ZBTB20: variants seen among roughly 807,000 people sequenced by gnomAD.
The protein encoded by ZBTB20 is zinc finger and BTB domain containing 20, also known as zinc finger and BTB domain-containing protein 20.
A neutral mutation model predicts 56.9 loss-of-function variants in ZBTB20; 9 were observed. That is an observed-to-expected ratio of 0.16 (90% confidence interval 0.10 to 0.28). The LOEUF (loss-of-function observed/expected upper bound fraction) is 0.28. Among genes scored for constraint, ZBTB20 ranks in the 10% least tolerant of loss-of-function variants. ZBTB20 has a pLI of 1.00. For synonymous variants in ZBTB20, 417 were observed against 420.7 expected (o/e 0.99, Z 0.11); for missense variants, 655 against 1,003.0 (o/e 0.65, Z 4.69).
At chr3:114,897,040 T>A (rs1285389877) in intron 4 of ZBTB20, among the ~76,000 whole-genome samples, 1 of 152,102 alleles carries the variant, frequency 6.6e-6, no homozygotes, top group Non-Finnish European at 1.5e-5. Flanking sequence ...GAAATGACAG[T>A]AGCATAGCTA....
intron 2 of ZBTB20, among the ~76,000 whole-genome samples, chr3:115,046,338 GAA>G (rs144698930): frequency 6.6e-6 from 1 of 151,098 alleles, no homozygotes; most frequent in African/African-American, 2.4e-5. Flanking sequence ...AAAGTTGTTA[GAA>G]AAAAAAAGTC....
intron 6 of ZBTB20, among the ~76,000 whole-genome samples, chr3:114,655,703 A>C (rs1271984416): frequency 6.6e-6 from 1 of 152,192 alleles, no homozygotes; most frequent in African/African-American, 2.4e-5. Flanking sequence ...ACACAGAGTT[A>C]ATATTTTACC....
rs141725515 is a variant in ZBTB20, at chr3:114,880,304, T to C, written c.-417+20000A>G. 1.2e-4 allele frequency among the ~76,000 whole-genome samples: 19 copies of C among 152,258 alleles called. No homozygotes were observed. The East Asian group carries it at 3.3e-3, about 26-fold the overall frequency. On this transcript the variant is annotated intron_variant, in intron 4 of 11. Coordinates refer to ENST00000675478, the MANE Select transcript of ZBTB20 (RefSeq NM_001348800.3). ...TTGCTTTGGAGAAAGCTGTTCTCCA[T>C]AGCCTGAGGCTGCCTGCAACATCTC...
intron 4 of ZBTB20, among the ~76,000 whole-genome samples, chr3:114,831,748 T>C (rs1199141198): frequency 1.3e-5 from 2 of 152,004 alleles, no homozygotes; most frequent in African/African-American, 4.8e-5. Context: ...AAAAGGCACT[T>C]GACTGGAGAC....
At chr3:115,039,056 T>C (rs761257065) in intron 2 of ZBTB20, among the ~76,000 whole-genome samples, 18 of 152,082 alleles carry the variant, frequency 1.2e-4, no homozygotes, top group Non-Finnish European at 2.1e-4. Context: ...TAAGGTCAAA[T>C]ATGAGTCAAC....
intron 7 of ZBTB20, among the ~76,000 whole-genome samples, chr3:114,436,818 C>A (rs907461038): frequency 2.0e-5 from 3 of 152,066 alleles, no homozygotes; most frequent in African/African-American, 7.2e-5. Context: ...ATACTCCAGC[C>A]TGGGTGATTG....
intron 2 of ZBTB20, among the ~76,000 whole-genome samples, chr3:115,025,947 A>G (rs923266334): frequency 2.0e-5 from 3 of 150,686 alleles, no homozygotes; most frequent in African/African-American, 7.3e-5. Context: ...AAAATACAGT[A>G]CTAAAATAAT....
intron 3 of ZBTB20, among the ~76,000 whole-genome samples, chr3:114,925,177 T>C (rs564243128): frequency 1.3e-5 from 2 of 151,878 alleles, no homozygotes; most frequent in South Asian, 4.2e-4. Flanking sequence ...AGAGATGGGG[T>C]TTCACCACGT....
At chr3:114,882,983 G>A (rs1347334290) in intron 4 of ZBTB20, among the ~76,000 whole-genome samples, 1 of 152,102 alleles carries the variant, frequency 6.6e-6, no homozygotes, top group Non-Finnish European at 1.5e-5. Context: ...TCTCATTCTA[G>A]ACTTCTCTAG....
chr3:114,782,443 T>A (rs1225110013), intron 5 of ZBTB20, among the ~76,000 whole-genome samples: 1 of 152,188 alleles, frequency 6.6e-6, no homozygotes, highest in Admixed American at 6.6e-5. Flanking sequence ...GTACTGACAA[T>A]GGATCTCTGA....
intron 2 of ZBTB20, among the ~76,000 whole-genome samples, chr3:115,024,320 G>A (rs2080328215): frequency 6.6e-6 from 1 of 150,912 alleles, no homozygotes; most frequent in Non-Finnish European, 1.5e-5. Context: ...ACACGGAAGA[G>A]CTTACAACCT....
chr3:114,568,857 C>T (rs184130844), intron 6 of ZBTB20, among the ~76,000 whole-genome samples: 7 of 152,246 alleles, frequency 4.6e-5, no homozygotes, highest in African/African-American at 1.2e-4. Context: ...TTTTAACCTC[C>T]GCTTTTTGCT....
At chr3:115,122,620 C>T (rs922256591) in intron 1 of ZBTB20, among the ~76,000 whole-genome samples, 2 of 152,090 alleles carry the variant, frequency 1.3e-5, no homozygotes, top group Non-Finnish European at 2.9e-5. Context: ...TGTCCTGCCT[C>T]TCCATAAAAT....
intron 7 of ZBTB20, among the ~76,000 whole-genome samples, chr3:114,459,663 G>A (rs1473482592): frequency 6.6e-6 from 1 of 151,958 alleles, no homozygotes; most frequent in Non-Finnish European, 1.5e-5. Flanking sequence ...CTCTCTGTGT[G>A]TCAAGTTTTC....
intron 7 of ZBTB20, among the ~76,000 whole-genome samples, chr3:114,458,728 GT>G (rs78333698): frequency 0.059 from 8,595 of 145,888 alleles, 608 homozygotes; most frequent in African/African-American, 0.17. Flanking sequence ...TACTTGACAG[GT>G]TTTTTTTTTT....
At chr3:114,950,472 A>G (rs1469448714) in intron 3 of ZBTB20, among the ~76,000 whole-genome samples, 2 of 152,150 alleles carry the variant, frequency 1.3e-5, no homozygotes, top group Non-Finnish European at 2.9e-5. Flanking sequence ...TCTTGTGATG[A>G]TATGAGATGA....
At chr3:114,386,149 A>T (rs2085095250) in intron 8 of ZBTB20, among the ~76,000 whole-genome samples, 1 of 152,200 alleles carries the variant, frequency 6.6e-6, no homozygotes, top group African/African-American at 2.4e-5. Flanking sequence ...CTATTCATTG[A>T]GACCAACCTA....
intron 5 of ZBTB20, among the ~76,000 whole-genome samples, chr3:114,747,555 T>A (rs1055633639): frequency 6.6e-6 from 1 of 152,010 alleles, no homozygotes. Flanking sequence ...CAGAGCAAGA[T>A]TCTGTCTCAA....
Position 114,532,412 on chromosome 3 carries a change from C to G in ZBTB20, c.-294-32021G>C, listed in dbSNP as rs537943553. 3.3e-4 allele frequency among the ~76,000 whole-genome samples: 51 copies of G among 152,278 alleles called. 3 individuals are homozygous for G. In the South Asian group the frequency reaches 0.01, roughly 30 times the overall value. On this transcript the variant is annotated intron_variant, in intron 6 of 11. Coordinates refer to ENST00000675478, the MANE Select transcript of ZBTB20 (RefSeq NM_001348800.3). Reference sequence around the variant, plus strand: ...TGGAGCCCACCACAGTTCGGCAAAGCCACTGTAGAAAGACTGCCTCTCTAG... The same window carrying G: ...TGGAGCCCACCACAGTTCGGCAAAGGCACTGTAGAAAGACTGCCTCTCTAG...
Sources: allele counts gnomAD v4.1 joint callset (sites outside exome capture counted in the v4.1 genomes callset), GRCh38; gene constraint gnomAD v4.1.1; transcripts MANE v1.5; gene names NCBI Gene and HGNC (gene_info 2026-07-23, HGNC 2026-07-21).